FSTL5: variants seen among roughly 807,000 people sequenced by gnomAD.
FSTL5 encodes the protein follistatin-related protein 5.
In FSTL5, 62 loss-of-function variants were observed where a neutral mutation model predicts 89.1. The observed-to-expected ratio is 0.70, with a 90% confidence interval of 0.57 to 0.86. FSTL5 has a LOEUF of 0.86. Among genes scored for constraint, FSTL5 ranks in the 40% least tolerant of loss-of-function variants. The pLI, the probability that FSTL5 is intolerant of heterozygous loss-of-function variation, is 0.00. For synonymous variants in FSTL5, 383 were observed against 346.2 expected (o/e 1.11, Z -1.18); for missense variants, 1,057 against 1,001.6 (o/e 1.06, Z -0.75).
At chr4:161,746,493 G>A (rs557897108) in intron 6 of FSTL5, among the ~76,000 whole-genome samples, 1 of 152,026 alleles carries the variant, frequency 6.6e-6, no homozygotes, top group Non-Finnish European at 1.5e-5. Context: ...TGGGGTAAGG[G>A]GCTTGACTGT....
intron 8 of FSTL5, among the ~76,000 whole-genome samples, chr4:161,570,143 T>C (rs1732957458): frequency 1.3e-5 from 2 of 152,308 alleles, no homozygotes; most frequent in South Asian, 4.1e-4. Context: ...TTTTAGGCTA[T>C]GTGCAGTTTT....
intron 8 of FSTL5, among the ~76,000 whole-genome samples, chr4:161,582,654 TAA>T (rs1170955124): frequency 6.6e-6 from 1 of 152,224 alleles, no homozygotes; most frequent in Non-Finnish European, 1.5e-5. Flanking sequence ...TATGTTATTA[TAA>T]AGTGTCATTA....
chr4:161,966,909 A>T (rs1229856302), intron 3 of FSTL5, among the ~76,000 whole-genome samples: 1 of 152,002 alleles, frequency 6.6e-6, no homozygotes, highest in Non-Finnish European at 1.5e-5. Flanking sequence ...ATCATGCTTT[A>T]GTTAACTCGA....
At chr4:161,536,763 C>G (rs1410887196) in intron 10 of FSTL5, among the ~76,000 whole-genome samples, 1 of 151,980 alleles carries the variant, frequency 6.6e-6, no homozygotes, top group Admixed American at 6.6e-5. Flanking sequence ...ACTGTTGTAA[C>G]TAGGGAAACA....
chr4:161,648,055 G>A (rs1187338343), intron 7 of FSTL5, among the ~76,000 whole-genome samples: 1 of 151,970 alleles, frequency 6.6e-6, no homozygotes. Context: ...CTCCCTACTG[G>A]CTCCCCCATC....
chr4:161,851,448 A>T (rs914107748), intron 4 of FSTL5, among the ~76,000 whole-genome samples: 1 of 152,164 alleles, frequency 6.6e-6, no homozygotes, highest in African/African-American at 2.4e-5. Flanking sequence ...ATAATCATAC[A>T]ACTGATTTTG....
At chr4:162,124,211 T>C (rs1731980810) in intron 1 of FSTL5, among the ~76,000 whole-genome samples, 1 of 152,226 alleles carries the variant, frequency 6.6e-6, no homozygotes, top group African/African-American at 2.4e-5. Flanking sequence ...AATTTAGAGA[T>C]AGCTATTACA....
chr4:162,033,134 GAA>G (rs1202146807), intron 3 of FSTL5, among the ~76,000 whole-genome samples: 1 of 152,158 alleles, frequency 6.6e-6, no homozygotes, highest in Non-Finnish European at 1.5e-5. Context: ...TGACTATAGA[GAA>G]AAGAGTCTTC....
chr4:161,914,665 C>A (rs1579189850), intron 4 of FSTL5, among the ~76,000 whole-genome samples: 1 of 152,056 alleles, frequency 6.6e-6, no homozygotes, highest in African/African-American at 2.4e-5. Context: ...AAATTGATCA[C>A]CACCAATTAG....
intron 3 of FSTL5, among the ~76,000 whole-genome samples, chr4:161,952,745 C>T (rs535050641): frequency 2.2e-4 from 33 of 151,892 alleles, no homozygotes; most frequent in African/African-American, 7.9e-4. Flanking sequence ...AATAATGATT[C>T]GGGTATTAAT....
chr4:161,556,846 G>GTATATATATATATATATATATATA (rs561942481), intron 8 of FSTL5, among the ~76,000 whole-genome samples: 51 of 142,720 alleles, frequency 3.6e-4, no homozygotes, highest in Non-Finnish European at 5.7e-4. Flanking sequence ...GTGTGTGTGT[G>GTATATATATATATATATATATATA]TATATATATA....
chr4:161,753,355 A>C (rs1479114511), intron 6 of FSTL5, among the ~76,000 whole-genome samples: 1 of 152,178 alleles, frequency 6.6e-6, no homozygotes, highest in East Asian at 1.9e-4. Flanking sequence ...GGCAAGCTAG[A>C]AATTTGGGCA....
intron 4 of FSTL5, among the ~76,000 whole-genome samples, chr4:161,898,791 G>A (rs931140040): frequency 2.0e-5 from 3 of 151,650 alleles, no homozygotes; most frequent in South Asian, 2.1e-4. Flanking sequence ...CACCATGCCC[G>A]GCTAATTTTT....
chr4:161,941,606 A>G (rs529770540), intron 3 of FSTL5, among the ~76,000 whole-genome samples: 1 of 152,110 alleles, frequency 6.6e-6, no homozygotes, highest in African/African-American at 2.4e-5. Flanking sequence ...CATAATACTT[A>G]CAAACATATA....
intron 2 of FSTL5, among the ~76,000 whole-genome samples, chr4:162,080,072 T>G (rs956552900): frequency 4.6e-5 from 7 of 151,532 alleles, no homozygotes; most frequent in African/African-American, 1.7e-4. Flanking sequence ...CAGAATGATA[T>G]TTTTTGTGCT....
At chr4:161,443,993 T>C (rs2126374634) in intron 15 of FSTL5, among the ~76,000 whole-genome samples, 1 of 152,044 alleles carries the variant, frequency 6.6e-6, no homozygotes, top group East Asian at 1.9e-4. Context: ...TTCAAAAAAC[T>C]ATAATATTAT....
In FSTL5 at chr4:161,814,610, T is replaced by C. The variant is rs557423243; in HGVS notation, c.410-38536A>G. The stretch of plus-strand genomic sequence containing the variant: ...CTGTGCAATAGAAACATTTACATTA[T>C]ATAATAGAATTTTTGGTACATATGG... On this transcript the variant is annotated intron_variant, in intron 4 of 15. Transcript: ENST00000306100. Among the ~76,000 whole-genome samples, 14 of 152,276 alleles carry C rather than the reference T, an allele frequency of 9.2e-5. 1 individual carries two copies. The highest frequency in any genetic ancestry group is 8.3e-4 in the South Asian group (4 of 4,830).
chr4:161,703,096 C>T (rs1193286726), intron 6 of FSTL5, among the ~76,000 whole-genome samples: 1 of 152,086 alleles, frequency 6.6e-6, no homozygotes, highest in Non-Finnish European at 1.5e-5. Flanking sequence ...GAGAGAGGGT[C>T]ATCTACAAGC....
At chr4:161,875,155 T>G (rs1391592196) in intron 4 of FSTL5, among the ~76,000 whole-genome samples, 1 of 152,190 alleles carries the variant, frequency 6.6e-6, no homozygotes. Flanking sequence ...TATATTCTTT[T>G]ATTTGGAGGC....
Sources: gnomAD v4.1 joint callset for allele counts (sites outside exome capture counted in the v4.1 genomes callset) on GRCh38, gnomAD v4.1.1 for gene constraint, MANE v1.5 for transcripts, NCBI Gene and HGNC (gene_info 2026-07-23, HGNC 2026-07-21) for gene names.